ZNF543: variants seen among roughly 807,000 people sequenced by gnomAD.
ZNF543 encodes the protein zinc finger protein 543.
Under a neutral mutation model 13.4 loss-of-function variants are expected in ZNF543, and 10 were observed. The ratio of observed to expected loss-of-function variants is 0.75; its 90% CI spans 0.46 to 1.26. The LOEUF is 1.26. ZNF543 is among the 50% of genes most tolerant of loss of function. The pLI is 0.00. For synonymous variants in ZNF543, 272 were observed against 264.7 expected (o/e 1.03, Z -0.27); for missense variants, 768 against 741.2 (o/e 1.04, Z -0.42).
rs758350147 is a variant in ZNF543 at position 57,328,226 on chromosome 19, A to G, written c.764A>G (p.Tyr255Cys). Residue 255 changes from tyrosine (Y) to cysteine (C), a missense_variant, in exon 4 of 4, where the codon TAT (tyrosine) becomes TGT (cysteine). Tyr to Cys is a radical substitution (Grantham distance 194). Around this residue, in one of 3 missense-constraint regions of ZNF543, gnomAD observed 677 missense variants for 631.4 expected, o/e 1.07. Transcript: ENST00000321545. ...ATCATCCACACTGGGGAGAAGCCCT[A>G]TAAGTGCATGGAGTGTGGGAAGGCT... ...HLIIHTGEKP[Y>C]KCMECGKAFN... is the part of the protein sequence containing the mutation. 1.4e-5 allele frequency: 22 copies of G among 1,613,386 alleles called. No individual in the cohort carries two copies. Among genetic ancestry groups the G allele is most frequent in the Admixed American group, 5.0e-5 (3 of 59,972 alleles).
At position 57,328,222 on chromosome 19, in the gene ZNF543, C is replaced by G. The variant is rs528534379; in HGVS notation, c.760C>G (p.Pro254Ala). ...QHLIIHTGEK[P>A]YKCMECGKAF... ...CCTCATCATCCACACTGGGGAGAAG[C>G]CCTATAAGTGCATGGAGTGTGGGAA... Residue 254 changes from proline to alanine, a missense_variant, in exon 4 of 4, where the codon CCC (proline) becomes GCC (alanine). This residue lies in a region of ZNF543 where 677 missense variants were observed against 631.4 expected (regional missense o/e 1.07). Transcript: ENST00000321545. The G allele has an allele frequency of 1.1e-5, 17 of 1,613,336 alleles. No individual in the cohort carries two copies. The Admixed American group carries it at 2.7e-4, about 25-fold the overall frequency.
chr19:57,328,661 G>C lies in ZNF543; in HGVS notation c.1199G>C (p.Cys400Ser), dbSNP rs151229371. 1 of 1,614,102 alleles carries C rather than the reference G, an allele frequency of 6.2e-7. No individual in the cohort carries two copies. The highest frequency in any genetic ancestry group is 8.5e-7 in the Non-Finnish European group (1 of 1,180,032). ...GAGAAGCCCTATAAGTGCATGGAGTGTGGGAAGGCGTTCAACCGTAGGTCA... is the reference window on the plus strand; with the variant it reads ...GAGAAGCCCTATAAGTGCATGGAGTCTGGGAAGGCGTTCAACCGTAGGTCA... ...TGEKPYKCME[C>S]GKAFNRRSHL... is the part of the protein sequence containing the mutation. The change falls in exon 4 of 4, where the codon TGT becomes TCT. Residue 400 changes from cysteine to serine, a missense_variant. Coordinates refer to ENST00000321545, the MANE Select transcript of ZNF543 (RefSeq NM_213598.4).
Position 57,329,007 on chromosome 19 carries a change from C to G in ZNF543, c.1545C>G (p.Ala515=). The G allele has an allele frequency of 6.2e-7, 1 of 1,614,112 alleles. No individual in the cohort carries two copies. The highest frequency in any genetic ancestry group is 1.1e-5 in the South Asian group (1 of 91,074). The stretch of plus-strand genomic sequence containing the variant: ...ATGAATGCATCCAGTGTGGGAAAGC[C>G]TTTTGCCGGAGCGCAAACCTTATTC... ...KPYECIQCGK[A]FCRSANLIRH... Residue 515 remains alanine, a synonymous_variant, in exon 4 of 4, where the codon GCC becomes GCG. Coordinates refer to ENST00000321545, the MANE Select transcript of ZNF543 (RefSeq NM_213598.4).
chr19:57,320,824 C>A lies in ZNF543; in HGVS notation c.-30C>A. 1 of 1,613,230 alleles carries A rather than the reference C, an allele frequency of 6.2e-7. No individual in the cohort carries two copies. ...GGGGTCGGCTGAGCCGCGGCATTCC[C>A]GGGCCCCGCTAGGGCTGCAGGGTCT... On this transcript the variant is annotated 5_prime_UTR_variant, in exon 1 of 4. Coordinates refer to ENST00000321545, the MANE Select transcript of ZNF543 (RefSeq NM_213598.4).
In ZNF543 at chr19:57,323,684, G is replaced by A. The variant is rs2088103631; in HGVS notation, c.21G>A (p.Val7=). The A allele has an allele frequency of 1.9e-6, 3 of 1,612,670 alleles. No homozygotes were observed. Among genetic ancestry groups the A allele is most frequent in the African/African-American group, 1.3e-5 (1 of 74,868 alleles). The change falls in exon 2 of 4, where the codon GTG becomes GTA. Residue 7 remains valine (V), a splice_region_variant and synonymous_variant. Coordinates refer to ENST00000321545, the MANE Select transcript of ZNF543 (RefSeq NM_213598.4). MAASAQ[V]SVTFEDVAVT... ...ACTATCTCTGTTTAATTTTCCAGGTGTCTGTGACCTTTGAGGATGTGGCTG... is the reference window on the plus strand; with the variant it reads ...ACTATCTCTGTTTAATTTTCCAGGTATCTGTGACCTTTGAGGATGTGGCTG...
chr19:57,321,224 C>G (rs2088088241), intron 1 of ZNF543, among the ~76,000 whole-genome samples: 1 of 152,194 alleles, frequency 6.6e-6, no homozygotes, highest in Non-Finnish European at 1.5e-5. Context: ...AGCCACCAAC[C>G]TGACCGTGCA....
Position 57,327,891 on chromosome 19 carries a change from G to A in ZNF543, c.429G>A (p.Arg143=). 1.9e-6 allele frequency: 3 copies of A among 1,614,178 alleles called. No homozygotes were observed. The highest frequency in any genetic ancestry group is 2.5e-6 in the Non-Finnish European group (3 of 1,180,046). The stretch of plus-strand genomic sequence containing the variant: ...TGAAAATAGGGATAGGCCCCCAGCG[G>A]GGGAAGCTGCTGGAGAAAATGAGTT... The part of the protein sequence containing the change: ...VHLKIGIGPQ[R]GKLLEKMSSE... The change falls in exon 4 of 4, where the codon CGG becomes CGA. Residue 143 remains arginine (R), a synonymous_variant. Coordinates refer to ENST00000321545, the MANE Select transcript of ZNF543 (RefSeq NM_213598.4).
rs1568510624 is a variant in ZNF543 at position 57,328,761 on chromosome 19, C to T, written c.1299C>T (p.Thr433=). The T allele has an allele frequency of 6.2e-7, 1 of 1,613,732 alleles. No homozygotes were observed. Among genetic ancestry groups the T allele is most frequent in the Non-Finnish European group, 8.5e-7 (1 of 1,179,966 alleles). Residue 433 remains threonine, a synonymous_variant, in exon 4 of 4, where the codon ACC becomes ACT. Coordinates refer to ENST00000321545, the MANE Select transcript of ZNF543 (RefSeq NM_213598.4). The part of the protein sequence containing the change: ...YECSECGKAF[T]HCSTFVLHKR... ...GCAGTGAATGTGGAAAGGCCTTCAC[C>T]CACTGCTCCACTTTTGTCTTGCATA...
At chr19:57,323,942 G>C in intron 2 of ZNF543, 134 bp downstream of exon 2, 2 of 1,077,164 alleles carry the variant, frequency 1.9e-6, no homozygotes, top group Non-Finnish European at 2.6e-6. Flanking sequence ...TCTGAGCGTA[G>C]CACTTGGGAG....
chr19:57,328,449 C>T lies in ZNF543; in HGVS notation c.987C>T (p.His329=). The T allele has an allele frequency of 6.2e-7, 1 of 1,614,146 alleles. No individual in the cohort carries two copies. Among genetic ancestry groups the T allele is most frequent in the South Asian group, 1.1e-5 (1 of 91,088 alleles). ...AFRDRPGFIR[H]YIIHTGEKPY... is the part of the protein sequence containing the mutation. ...GAGATAGGCCAGGTTTCATTCGACA[C>T]TACATCATCCACACGGGAGAGAAGC... The change falls in exon 4 of 4, where the codon CAC becomes CAT. Residue 329 remains histidine (H), a synonymous_variant. Coordinates refer to ENST00000321545, the MANE Select transcript of ZNF543 (RefSeq NM_213598.4).
Position 57,330,419 on chromosome 19 carries a change from G to A in ZNF543, c.*1154G>A, listed in dbSNP as rs2122947459. On this transcript the variant is annotated 3_prime_UTR_variant, in exon 4 of 4. Transcript: ENST00000321545. The stretch of plus-strand genomic sequence containing the variant: ...TTAGGTCCACCTCAGTTTTCTAAAG[G>A]TCAAATTAAGGCCCCCCCAAAAATA... 6.6e-6 allele frequency: 1 copy of A among 152,078 alleles called. No individual in the cohort carries two copies. Among genetic ancestry groups the A allele is most frequent in the East Asian group, 1.9e-4 (1 of 5,184 alleles). The allele number at this position is 152,078 out of a possible 1,614,324, so 9.4% of individuals were successfully genotyped here.
chr19:57,323,255 G>C (rs575373587), intron 1 of ZNF543, among the ~76,000 whole-genome samples: 3 of 149,778 alleles, frequency 2.0e-5, no homozygotes, highest in Non-Finnish European at 4.4e-5. Context: ...ACAGTGGCAC[G>C]ATCTCGGCTC....
chr19:57,323,871 C>G (rs547175290), intron 2 of ZNF543, 63 bp downstream of exon 2: 728 of 1,574,032 alleles, frequency 4.6e-4, no homozygotes, highest in Non-Finnish European at 5.9e-4. Context: ...GTTCCCCTCT[C>G]TCCTCCACAG....
At chr19:57,324,057 A>G (rs184166312) in intron 2 of ZNF543, among the ~76,000 whole-genome samples, 3 of 152,168 alleles carry the variant, frequency 2.0e-5, no homozygotes, top group Admixed American at 6.6e-5. Flanking sequence ...TTTCTCATGA[A>G]TAAAAAGGGC....
In ZNF543 at chr19:57,328,063, T is replaced by C. The variant is rs146925111; in HGVS notation, c.601T>C (p.Cys201Arg). ...TCGCGAAGAGAAAAATTCCTATAAA[T>C]GTGAGGAATGCGGGAAAGTGTTTAA... ...LIREEKNSYK[C>R]EECGKVFKKN... is the part of the protein sequence containing the mutation. The change falls in exon 4 of 4, where the codon TGT becomes CGT. Residue 201 changes from cysteine (C) to arginine (R), a missense_variant. Cys to Arg is a radical substitution (Grantham distance 180, BLOSUM62 -3). Coordinates refer to ENST00000321545, the MANE Select transcript of ZNF543 (RefSeq NM_213598.4). The C allele has an allele frequency of 3.1e-6, 5 of 1,614,218 alleles. No homozygotes were observed. Among genetic ancestry groups the C allele is most frequent in the Non-Finnish European group, 4.2e-6 (5 of 1,180,032 alleles).
chr19:57,324,451 C>T (rs73633709), intron 2 of ZNF543, among the ~76,000 whole-genome samples: 7,069 of 151,690 alleles, frequency 0.047, 412 homozygotes, highest in African/African-American at 0.13. Flanking sequence ...GGTGGCTGGG[C>T]GCAGGTTAGC....
At chr19:57,322,717 G>C (rs1185189756) in intron 1 of ZNF543, among the ~76,000 whole-genome samples, 2 of 152,138 alleles carry the variant, frequency 1.3e-5, no homozygotes, top group Non-Finnish European at 2.9e-5. Flanking sequence ...GTGTGACATG[G>C]AGATGATGAT....
At position 57,327,805 on chromosome 19, in the gene ZNF543, A is replaced by G. The variant is rs746783249; in HGVS notation, c.343A>G (p.Asn115Asp). ...QEQLTQGASK[N>D]SQLGQSKDQD... is the part of the protein sequence containing the mutation. ...ACAACTGACACAAGGAGCCTCAAAG[A>G]ACTCCCAATTAGGGCAATCCAAGGA... is the stretch of plus-strand genomic sequence containing the variant. Residue 115 changes from asparagine to aspartate, a missense_variant, in exon 4 of 4, where the codon AAC becomes GAC. Physicochemically the swap from Asn to Asp is conservative, Grantham distance 23. Coordinates refer to ENST00000321545, the MANE Select transcript of ZNF543 (RefSeq NM_213598.4). The G allele has an allele frequency of 2.0e-5, 32 of 1,614,020 alleles. No homozygotes were observed. Among genetic ancestry groups the G allele is most frequent in the Non-Finnish European group, 2.5e-5 (29 of 1,180,038 alleles).
intron 2 of ZNF543, among the ~76,000 whole-genome samples, chr19:57,324,612 C>A (rs915237232): frequency 3.9e-5 from 6 of 152,204 alleles, no homozygotes; most frequent in African/African-American, 1.4e-4. Context: ...TGACTAGACT[C>A]AGGTGTACAT....
Sources: gnomAD v4.1 joint callset for allele counts (sites outside exome capture counted in the v4.1 genomes callset) on GRCh38, gnomAD v4.1.1 for gene constraint, gnomAD v4.1.1 regional missense constraint, MANE v1.5 for transcripts, NCBI Gene and HGNC (gene_info 2026-07-23, HGNC 2026-07-21) for gene names.